TRPM8: variants seen among roughly 807,000 people sequenced by gnomAD.
TRPM8 encodes the protein TRPM8 cationic channel.
Under a neutral mutation model 133.7 loss-of-function variants are expected in TRPM8, and 110 were observed. The observed-to-expected ratio is 0.82, with a 90% CI of 0.70 to 0.96. TRPM8 has a LOEUF of 0.96. TRPM8 is among the 40% of genes least tolerant of loss of function. TRPM8 has a pLI of 0.00. For synonymous variants in TRPM8, 535 were observed against 532.3 expected (o/e 1.01, Z -0.07); for missense variants, 1,291 against 1,379.5 (o/e 0.94, Z 1.02).
chr2:233,934,324 C>T (rs982905061), intron 3 of TRPM8, among the ~76,000 whole-genome samples: 1 of 152,178 alleles, frequency 6.6e-6, no homozygotes, highest in African/African-American at 2.4e-5. Context: ...TCTTCCATGT[C>T]ACAGGCCTAG....
At chr2:233,929,443 A>C (rs1559517403) in intron 2 of TRPM8, among the ~76,000 whole-genome samples, 1 of 152,222 alleles carries the variant, frequency 6.6e-6, no homozygotes, top group Non-Finnish European at 1.5e-5. Context: ...TTTGCAGTGC[A>C]TGGCTGGTGG....
In TRPM8 at chr2:233,991,551, C is replaced by T. The variant is rs139317046; in HGVS notation, c.2940-4775C>T. On this transcript the variant is annotated intron_variant, in intron 21 of 25. Transcript: ENST00000324695. ...GACAAAGGAAAATCCATGAAATCTA[C>T]GCAAAGTTTGGAGGAGGTGTCCATC... Among the ~76,000 whole-genome samples, 65 of 152,312 alleles carry T rather than the reference C, an allele frequency of 4.3e-4. No individual in the cohort carries two copies. The East Asian group carries it at 9.3e-3, about 22-fold the overall frequency.
chr2:233,973,870 C>T (rs116448891), intron 17 of TRPM8, among the ~76,000 whole-genome samples: 30 of 152,344 alleles, frequency 2.0e-4, no homozygotes, highest in African/African-American at 7.2e-4. Flanking sequence ...AAGCAGCCCT[C>T]ATCCAGCTAG....
Position 234,009,516 on chromosome 2 carries a change from C to T in TRPM8, c.3264+1413C>T, listed in dbSNP as rs147032002. Among the ~76,000 whole-genome samples the T allele has an allele frequency of 1.1e-3, 164 of 152,190 alleles. 1 individual carries two copies. Among genetic ancestry groups the T allele is most frequent in the African/African-American group, 3.5e-3 (147 of 41,522 alleles). On this transcript the variant is annotated intron_variant, in intron 24 of 25. Coordinates refer to ENST00000324695, the MANE Select transcript of TRPM8 (RefSeq NM_024080.5). Reference sequence around the variant, plus strand: ...CCTGGGCCCTGGGTCAGAGGAGAGGCGGTAGAATTGTGGATACAGGACCAG... The same window carrying T: ...CCTGGGCCCTGGGTCAGAGGAGAGGTGGTAGAATTGTGGATACAGGACCAG...
At chr2:234,002,955 C>A (rs1356376537) in intron 22 of TRPM8, among the ~76,000 whole-genome samples, 14 of 152,010 alleles carry the variant, frequency 9.2e-5, no homozygotes, top group Non-Finnish European at 1.5e-5. Flanking sequence ...TATGCCTGTG[C>A]CTTTAGTGTA....
At chr2:233,999,075 T>C (rs1692481870) in intron 22 of TRPM8, among the ~76,000 whole-genome samples, 1 of 151,096 alleles carries the variant, frequency 6.6e-6, no homozygotes, top group African/African-American at 2.5e-5. Context: ...TATATAATTA[T>C]GTAACAAGTC....
At position 233,945,959 on chromosome 2, in the gene TRPM8, A is replaced by G. The variant is rs774741944; in HGVS notation, c.803A>G (p.His268Arg). 5 of 1,614,148 alleles carry G rather than the reference A, an allele frequency of 3.1e-6. No homozygotes were observed. In the East Asian group the frequency reaches 1.1e-4, roughly 36 times the overall value. Residue 268 changes from histidine (H) to arginine (R), a missense_variant, in exon 7 of 26, where the codon CAT (histidine) becomes CGT (arginine). Coordinates refer to ENST00000324695, the MANE Select transcript of TRPM8 (RefSeq NM_024080.5). ...THLLLVDNGC[H>R]GHPTVEAKLR... ...TTGCTGCTCGTGGACAATGGCTGTC[A>G]TGGACATCCCACTGTCGAAGCAAAG...
chr2:233,922,696 T>G (rs1691434062), intron 1 of TRPM8, among the ~76,000 whole-genome samples: 1 of 152,178 alleles, frequency 6.6e-6, no homozygotes, highest in Non-Finnish European at 1.5e-5. Context: ...CCCTCACAGC[T>G]GAATTGACTC....
At chr2:233,960,511 C>T (rs1268028580) in intron 11 of TRPM8, among the ~76,000 whole-genome samples, 1 of 152,160 alleles carries the variant, frequency 6.6e-6, no homozygotes, top group African/African-American at 2.4e-5. Flanking sequence ...TAGCAAGGGG[C>T]CAAGTCACAT....
At chr2:233,933,866 G>A (rs376118233) in intron 3 of TRPM8, 4 of 167,180 alleles carry the variant, frequency 2.4e-5, no homozygotes, top group African/African-American at 7.2e-5. Flanking sequence ...TAACACTTAG[G>A]AAGAGAGAGG....
intron 20 of TRPM8, 68 bp downstream of exon 20, chr2:233,983,292 G>GTTGGTTCTGAA (rs1228025709): frequency 6.3e-7 from 1 of 1,594,932 alleles, no homozygotes; most frequent in Non-Finnish European, 8.6e-7. Flanking sequence ...CAACCCCCAG[G>GTTGGTTCTGAA]GCTGCCCCGG....
At chr2:234,001,769 ATGGGCTGGGCC>A (rs1378857239) in intron 22 of TRPM8, among the ~76,000 whole-genome samples, 2 of 152,244 alleles carry the variant, frequency 1.3e-5, no homozygotes, top group Non-Finnish European at 2.9e-5. Flanking sequence ...ACAAAGGCAC[ATGGGCTGGGCC>A]TGGAGGCCAT....
intron 12 of TRPM8, among the ~76,000 whole-genome samples, chr2:233,961,351 G>A (rs1691432525): frequency 1.3e-5 from 2 of 152,114 alleles, no homozygotes; most frequent in African/African-American, 4.8e-5. Flanking sequence ...TGTCACCAAG[G>A]CTAGAGTGCA....
chr2:234,003,387 T>C (rs1692617227), intron 22 of TRPM8, among the ~76,000 whole-genome samples: 1 of 152,248 alleles, frequency 6.6e-6, no homozygotes, highest in African/African-American at 2.4e-5. Context: ...CGTCTTTCTT[T>C]CCATCGTTTT....
chr2:233,939,379 C>G (rs1690847287), intron 5 of TRPM8, among the ~76,000 whole-genome samples: 1 of 152,212 alleles, frequency 6.6e-6, no homozygotes, highest in African/African-American at 2.4e-5. Flanking sequence ...CACACAGTAA[C>G]TCTAAATCAG....
intron 1 of TRPM8, among the ~76,000 whole-genome samples, chr2:233,923,678 T>C (rs1278622227): frequency 6.6e-6 from 1 of 152,194 alleles, no homozygotes; most frequent in Non-Finnish European, 1.5e-5. Flanking sequence ...TAAGGACGAC[T>C]GTCAATTAAG....
At chr2:233,983,281 C>T in intron 20 of TRPM8, 57 bp downstream of exon 20, 1 of 1,604,680 alleles carries the variant, frequency 6.2e-7, no homozygotes, top group South Asian at 1.1e-5. Flanking sequence ...GCTCCCTGAA[C>T]CAACCCCCAG....
intron 6 of TRPM8, among the ~76,000 whole-genome samples, chr2:233,945,442 T>C (rs1639399285): frequency 6.6e-6 from 1 of 152,224 alleles, no homozygotes; most frequent in African/African-American, 2.4e-5. Flanking sequence ...CAGCTATGTA[T>C]GTGTGCATTT....
intron 6 of TRPM8, among the ~76,000 whole-genome samples, chr2:233,943,249 A>G (rs939302824): frequency 6.6e-6 from 1 of 151,752 alleles, no homozygotes; most frequent in Non-Finnish European, 1.5e-5. Flanking sequence ...TCCTAATGCT[A>G]TCCCTCCCCA....
Sources: allele counts gnomAD v4.1 joint callset (sites outside exome capture counted in the v4.1 genomes callset), GRCh38; gene constraint gnomAD v4.1.1; transcripts MANE v1.5; gene names NCBI Gene and HGNC (gene_info 2026-07-23, HGNC 2026-07-21).